Variants in CTNNA3 observed in about 807,000 individuals in gnomAD.
CTNNA3 encodes catenin alpha 3.
Under a neutral mutation model 95.7 loss-of-function variants are expected in CTNNA3, and 76 were observed. The observed-to-expected ratio is 0.79, with a 90% CI of 0.66 to 0.96. The LOEUF (loss-of-function observed/expected upper bound fraction) is 0.96. CTNNA3 is among the 40% of genes least tolerant of loss of function. CTNNA3 has a pLI of 0.00. For synonymous variants in CTNNA3, 431 were observed against 374.4 expected, an observed-to-expected ratio of 1.15 and a Z score of -1.74; for missense variants, 1,191 against 1,089.8, an observed-to-expected ratio of 1.09 and a Z score of -1.31.
At chr10:66,536,750 G>T (rs1379615326) in intron 10 of CTNNA3, among the ~76,000 whole-genome samples, 2 of 152,064 alleles carry the variant, frequency 1.3e-5, no homozygotes, top group Non-Finnish European at 2.9e-5. Flanking sequence ...AAAAATGGAT[G>T]ATAGAGTAGA....
chr10:66,733,191 A>G (rs1347788057), intron 9 of CTNNA3, among the ~76,000 whole-genome samples: 1 of 152,166 alleles, frequency 6.6e-6, no homozygotes, highest in Non-Finnish European at 1.5e-5. Context: ...AAAAACAAAT[A>G]TCTTCTTTCT....
intron 9 of CTNNA3, among the ~76,000 whole-genome samples, chr10:66,741,583 TC>T (rs1388510226): frequency 6.6e-6 from 1 of 152,204 alleles, no homozygotes; most frequent in African/African-American, 2.4e-5. Context: ...CATGGATTCC[TC>T]CTCTACAACA....
chr10:66,136,436 C>T (rs2083352672), intron 13 of CTNNA3, among the ~76,000 whole-genome samples: 1 of 151,376 alleles, frequency 6.6e-6, no homozygotes, highest in Admixed American at 6.6e-5. Flanking sequence ...TTAATCATGG[C>T]ATAAGCTACT....
At chr10:67,588,956 T>A (rs1014681937) in intron 3 of CTNNA3, among the ~76,000 whole-genome samples, 1 of 151,968 alleles carries the variant, frequency 6.6e-6, no homozygotes, top group Non-Finnish European at 1.5e-5. Context: ...AAAATGTTAG[T>A]CAGCTCAGTG....
chr10:66,834,135 C>T (rs894791407), intron 7 of CTNNA3, among the ~76,000 whole-genome samples: 12 of 152,182 alleles, frequency 7.9e-5, no homozygotes, highest in Non-Finnish European at 1.5e-4. Flanking sequence ...AGCCAATCCC[C>T]CACTTTTCCT....
At chr10:66,277,635 A>C (rs544287298) in intron 13 of CTNNA3, among the ~76,000 whole-genome samples, 1 of 152,208 alleles carries the variant, frequency 6.6e-6, no homozygotes, top group African/African-American at 2.4e-5. Context: ...TAAGTCCATA[A>C]GTTTATGGAT....
intron 5 of CTNNA3, among the ~76,000 whole-genome samples, chr10:67,280,545 C>A (rs1174114199): frequency 6.6e-6 from 1 of 151,718 alleles, no homozygotes; most frequent in Non-Finnish European, 1.5e-5. Context: ...TCCTGCCAAC[C>A]GGCTCCCACT....
At chr10:66,087,831 T>A (rs985031283) in intron 14 of CTNNA3, among the ~76,000 whole-genome samples, 4 of 152,076 alleles carry the variant, frequency 2.6e-5, no homozygotes, top group African/African-American at 9.7e-5. Flanking sequence ...GCATTAGACT[T>A]AGTCTAGAGG....
chr10:67,172,365 T>C (rs898740082), intron 7 of CTNNA3, among the ~76,000 whole-genome samples: 3 of 152,222 alleles, frequency 2.0e-5, no homozygotes, highest in African/African-American at 7.2e-5. Context: ...ACAGTGTTTA[T>C]AGAAGAATTA....
At chr10:67,612,928 GGTCTC>G (rs1269268748) in intron 2 of CTNNA3, among the ~76,000 whole-genome samples, 2 of 152,158 alleles carry the variant, frequency 1.3e-5, no homozygotes, top group Non-Finnish European at 2.9e-5. Flanking sequence ...TCTTCTGAGA[GGTCTC>G]ACTGCCTCTG....
At position 65,919,226 on chromosome 10, in the gene CTNNA3, T is replaced by C. The variant is rs955507152; in HGVS notation, c.*1104A>G. 1 of 152,122 alleles carries C rather than the reference T, an allele frequency of 6.6e-6. No homozygotes were observed. The highest frequency in any genetic ancestry group is 2.4e-5 in the African/African-American group (1 of 41,432). The allele number at this position is 152,122 out of a possible 1,614,324, so 9.4% of individuals were successfully genotyped here. ...TCTAAGACTATTATGAAGTCCATTA[T>C]GAACTCAACTAGGAATGAACACAGT... On this transcript the variant is annotated 3_prime_UTR_variant, in exon 18 of 18. Coordinates refer to ENST00000433211, the MANE Select transcript of CTNNA3 (RefSeq NM_013266.4).
chr10:67,064,866 T>C (rs534340765), intron 7 of CTNNA3, among the ~76,000 whole-genome samples: 43 of 152,332 alleles, frequency 2.8e-4, no homozygotes, highest in Non-Finnish European at 4.9e-4. Flanking sequence ...AATTTATATG[T>C]AAGTATTTGC....
chr10:67,351,545 C>T (rs1278230566), intron 5 of CTNNA3, among the ~76,000 whole-genome samples: 1 of 151,900 alleles, frequency 6.6e-6, no homozygotes, highest in Non-Finnish European at 1.5e-5. Flanking sequence ...ATATACAAGG[C>T]ATAAAACATG....
At chr10:66,767,871 A>G (rs541108230) in intron 8 of CTNNA3, among the ~76,000 whole-genome samples, 3 of 152,234 alleles carry the variant, frequency 2.0e-5, no homozygotes, top group Non-Finnish European at 4.4e-5. Flanking sequence ...AATTTAAGAA[A>G]GGCTTCAGGA....
intron 11 of CTNNA3, among the ~76,000 whole-genome samples, chr10:66,388,951 A>G (rs1476115695): frequency 6.6e-6 from 1 of 152,176 alleles, no homozygotes; most frequent in African/African-American, 2.4e-5. Flanking sequence ...CATATGCACA[A>G]TAACTAAACA....
intron 5 of CTNNA3, among the ~76,000 whole-genome samples, chr10:67,292,144 A>G (rs2132471380): frequency 6.6e-6 from 1 of 152,148 alleles, no homozygotes; most frequent in East Asian, 1.9e-4. Context: ...GGGTCTTAAG[A>G]CCTACAGTAA....
At chr10:67,294,619 A>T (rs949012710) in intron 5 of CTNNA3, among the ~76,000 whole-genome samples, 2 of 152,298 alleles carry the variant, frequency 1.3e-5, no homozygotes, top group African/African-American at 2.4e-5. Context: ...ATTCTAAAAA[A>T]GTGACTCCCC....
At position 67,734,866 on chromosome 10, in the gene CTNNA3, T is replaced by C. The variant is rs114121421; in HGVS notation, c.-2+28568A>G. On this transcript the variant is annotated intron_variant, in intron 1 of 17. Coordinates refer to the CTNNA3 transcript ENST00000684154. ...TAATCTAAATGTCCTATAACATGGG[T>C]TTTTTTTAAATAAAACCTATGATAC... Among the ~76,000 whole-genome samples, 841 of 151,820 alleles carry C rather than the reference T, an allele frequency of 5.5e-3. 5 individuals are homozygous for C. The highest frequency in any genetic ancestry group is 0.019 in the African/African-American group (801 of 41,318).
At chr10:67,307,927 G>GA (rs1840624400) in intron 5 of CTNNA3, among the ~76,000 whole-genome samples, 1 of 152,132 alleles carries the variant, frequency 6.6e-6, no homozygotes, top group African/African-American at 2.4e-5. Flanking sequence ...CACACAAAAA[G>GA]AAAGAGTCTT....
Sources: gnomAD v4.1 joint callset for allele counts (sites outside exome capture counted in the v4.1 genomes callset) on GRCh38, gnomAD v4.1.1 for gene constraint, MANE v1.5 for transcripts, NCBI Gene and HGNC (gene_info 2026-07-23, HGNC 2026-07-21) for gene names.